The following RUFY3 variants were observed in gnomAD, a reference collection of about 807,000 sequenced individuals.
RUFY3 encodes the protein RUN and FYVE domain containing 3.
Under a neutral mutation model 84.0 loss-of-function variants are expected in RUFY3, and 34 were observed. The ratio of observed to expected loss-of-function variants is 0.40; its 90% CI spans 0.31 to 0.54. The LOEUF (loss-of-function observed/expected upper bound fraction) is 0.54. Among genes scored for constraint, RUFY3 ranks in the 20% least tolerant of loss-of-function variants. The pLI is 0.39. For synonymous variants in RUFY3, 242 were observed against 252.9 expected (o/e 0.96, Z 0.41); for missense variants, 507 against 736.8 (o/e 0.69, Z 3.61).
intron 6 of RUFY3, among the ~76,000 whole-genome samples, chr4:70,774,786 T>C (rs960595501): frequency 1.3e-5 from 2 of 151,088 alleles, no homozygotes; most frequent in Non-Finnish European, 2.9e-5. Flanking sequence ...CAGAGTGAGC[T>C]TAATTCAAGT....
At chr4:70,768,395 T>C (rs1726358316) in intron 4 of RUFY3, 143 bp from the exon 5 acceptor site, 1 of 696,034 alleles carries the variant, frequency 1.4e-6, no homozygotes, top group Non-Finnish European at 2.2e-6. Context: ...TTTCTTTTTG[T>C]AGTTTTTTTT....
chr4:70,763,526 A>C, intron 2 of RUFY3, 26 bp from the exon 3 acceptor site: 1 of 1,581,408 alleles, frequency 6.3e-7, no homozygotes, highest in Non-Finnish European at 8.6e-7. Flanking sequence ...GAATATTAAA[A>C]TACTGCTTTA....
chr4:70,720,888 C>CAT (rs983753729), upstream of RUFY3, among the ~76,000 whole-genome samples: 3 of 138,468 alleles, frequency 2.2e-5, no homozygotes, highest in South Asian at 2.4e-4. Context: ...AATATAGGGC[C>CAT]GTGTGTGTGT....
In RUFY3 at chr4:70,762,562, C is replaced by T. The variant is rs1255457497; in HGVS notation, c.222C>T (p.Asn74=). The change falls in exon 2 of 18, where the codon AAC becomes AAT. Residue 74 remains asparagine, a synonymous_variant. Transcript: ENST00000381006. ...CTAATGAACGCATGAACCTCATGAACATGGCCAAGCTGAGTATCAAGGGCT... is the reference window on the plus strand; with the variant it reads ...CTAATGAACGCATGAACCTCATGAATATGGCCAAGCTGAGTATCAAGGGCT... ...LMANERMNLM[N]MAKLSIKGLI... The T allele has an allele frequency of 6.2e-7, 1 of 1,613,448 alleles. No homozygotes were observed. Among genetic ancestry groups the T allele is most frequent in the Non-Finnish European group, 8.5e-7 (1 of 1,179,696 alleles).
At chr4:70,800,087 A>G in intron 14 of RUFY3, 54 bp from the exon 15 acceptor site, 4 of 1,525,602 alleles carry the variant, frequency 2.6e-6, no homozygotes, top group Non-Finnish European at 3.6e-6. Flanking sequence ...TATTTGCAAT[A>G]TCATTATTTA....
At chr4:70,765,378 T>C (rs1221417171) in intron 4 of RUFY3, among the ~76,000 whole-genome samples, 2 of 152,096 alleles carry the variant, frequency 1.3e-5, no homozygotes, top group African/African-American at 2.4e-5. Flanking sequence ...GGATAATAGT[T>C]ACCTTGAAGA....
At chr4:70,783,428 T>C (rs1729268393) in intron 9 of RUFY3, among the ~76,000 whole-genome samples, 1 of 152,256 alleles carries the variant, frequency 6.6e-6, no homozygotes, top group Non-Finnish European at 1.5e-5. Flanking sequence ...CTAATTCAGT[T>C]TCTTGTTTTT....
intron 1 of RUFY3, among the ~76,000 whole-genome samples, chr4:70,759,596 C>T (rs935110042): frequency 1.9e-4 from 29 of 152,098 alleles, no homozygotes; most frequent in African/African-American, 5.8e-4. Flanking sequence ...GAGGAACCTC[C>T]GTACAGTTTT....
chr4:70,802,934 A>G (rs764278134), intron 15 of RUFY3, 22 bp from the exon 16 acceptor site: 23 of 1,579,682 alleles, frequency 1.5e-5, no homozygotes, highest in Admixed American at 3.7e-5. Flanking sequence ...ATTTGTCACA[A>G]TTTTTTACTT....
chr4:70,766,460 G>A (rs952329842), intron 4 of RUFY3, among the ~76,000 whole-genome samples: 3 of 151,980 alleles, frequency 2.0e-5, no homozygotes, highest in African/African-American at 7.2e-5. Context: ...GGCCAGGCTG[G>A]TCTTCAACTC....
chr4:70,709,169 A>G (rs1347358931), intron 1 of RUFY3, among the ~76,000 whole-genome samples: 1 of 152,236 alleles, frequency 6.6e-6, no homozygotes, highest in Non-Finnish European at 1.5e-5. Context: ...ATCTGCTTCA[A>G]TGCAGTGTGA....
intron 1 of RUFY3, among the ~76,000 whole-genome samples, chr4:70,752,920 G>A (rs1723362757): frequency 6.6e-6 from 1 of 152,190 alleles, no homozygotes; most frequent in African/African-American, 2.4e-5. Context: ...TAGTGTCATA[G>A]AATGAGTTCG....
intron 1 of RUFY3, among the ~76,000 whole-genome samples, chr4:70,751,791 A>G (rs923578125): frequency 2.0e-5 from 3 of 152,172 alleles, no homozygotes; most frequent in African/African-American, 7.2e-5. Flanking sequence ...ACCATTGCCT[A>G]GCCTATGGTT....
At chr4:70,791,439 A>G (rs1440601148) in intron 12 of RUFY3, 2 of 1,399,138 alleles carry the variant, frequency 1.4e-6, no homozygotes, top group African/African-American at 3.0e-5. Flanking sequence ...GGACTTTTAA[A>G]AAACCAGTTG....
chr4:70,746,529 T>G (rs1203782478), intron 1 of RUFY3, among the ~76,000 whole-genome samples: 4 of 150,396 alleles, frequency 2.7e-5, no homozygotes, highest in African/African-American at 4.9e-5. Context: ...AAAAAAGTTA[T>G]GTACATGGAA....
At chr4:70,788,694 T>C (rs1730313050) in intron 10 of RUFY3, 112 bp from the exon 11 acceptor site, 1 of 1,116,518 alleles carries the variant, frequency 9.0e-7, no homozygotes, top group Admixed American at 2.7e-5. Context: ...TAAGCTATTT[T>C]GCCAGAATAT....
intron 10 of RUFY3, among the ~76,000 whole-genome samples, chr4:70,786,233 A>G (rs913285352): frequency 6.6e-6 from 1 of 152,194 alleles, no homozygotes; most frequent in Non-Finnish European, 1.5e-5. Context: ...AGGTGGGGTT[A>G]CCAGAGGGAG....
chr4:70,704,614 G>A, upstream of RUFY3: 1 of 205,770 alleles, frequency 4.9e-6, no homozygotes, highest in Non-Finnish European at 9.6e-6. Flanking sequence ...AGCGGAAGGT[G>A]GGGAGTGGGA....
chr4:70,793,532 A>G (rs1731124416), intron 12 of RUFY3: 1 of 1,349,162 alleles, frequency 7.4e-7, no homozygotes, highest in Non-Finnish European at 9.5e-7. Context: ...AAACTGTAGT[A>G]CTAGAATAAA....
Sources: gnomAD v4.1 joint callset for allele counts (sites outside exome capture counted in the v4.1 genomes callset) on GRCh38, gnomAD v4.1.1 for gene constraint, MANE v1.5 for transcripts, NCBI Gene and HGNC (gene_info 2026-07-23, HGNC 2026-07-21) for gene names.